ARHGAP42: variants seen among roughly 807,000 people sequenced by gnomAD.
ARHGAP42 encodes the protein rho GTPase-activating protein 42.
In ARHGAP42, 63 loss-of-function variants were observed where a neutral mutation model predicts 125.0. The observed-to-expected ratio is 0.50, with a 90% CI of 0.41 to 0.62. The LOEUF (loss-of-function observed/expected upper bound fraction) is 0.62, where lower values mean the gene tolerates loss of function less well. Ranked by LOEUF, ARHGAP42 falls within the 20% of genes least tolerant of loss-of-function variation. The pLI is 0.00. For synonymous variants in ARHGAP42, 339 were observed against 351.0 expected (o/e 0.97, Z 0.38); for missense variants, 766 against 1,024.2 (o/e 0.75, Z 3.44).
At position 100,688,141 on chromosome 11, in the gene ARHGAP42, T is replaced by A. The variant is rs190804014; in HGVS notation, c.154+309T>A. 2.2e-3 allele frequency among the ~76,000 whole-genome samples: 341 copies of A among 152,130 alleles called. 2 individuals carry two copies. Among genetic ancestry groups the A allele is most frequent in the African/African-American group, 7.5e-3 (309 of 41,468 alleles). ...GTTGGGGACTTTAATTTTTTTTTTT[T>A]AATTTATTGTGTCTATTAATAGTTT... On this transcript the variant is annotated intron_variant, in intron 1 of 23. Coordinates refer to ENST00000298815, the MANE Select transcript of ARHGAP42 (RefSeq NM_152432.4).
chr11:100,846,583 C>T (rs1264346409), intron 3 of ARHGAP42, among the ~76,000 whole-genome samples: 1 of 152,154 alleles, frequency 6.6e-6, no homozygotes, highest in East Asian at 1.9e-4. Context: ...GCCTCAGATA[C>T]TGCTCTCATC....
intron 2 of ARHGAP42, among the ~76,000 whole-genome samples, chr11:100,776,621 G>T (rs183377847): frequency 3.4e-4 from 52 of 152,186 alleles, no homozygotes; most frequent in South Asian, 1.9e-3. Context: ...GTGTATTGCT[G>T]GTCCCTTGTT....
At chr11:100,906,833 A>C (rs1340998752) in intron 4 of ARHGAP42, among the ~76,000 whole-genome samples, 1 of 152,128 alleles carries the variant, frequency 6.6e-6, no homozygotes, top group Non-Finnish European at 1.5e-5. Context: ...ATCCATCAAC[A>C]CTTATTATTT....
At chr11:100,937,421 T>A (rs1431272782) in intron 8 of ARHGAP42, among the ~76,000 whole-genome samples, 1 of 149,186 alleles carries the variant, frequency 6.7e-6, no homozygotes, top group African/African-American at 2.5e-5. Flanking sequence ...GAAATTTTTA[T>A]TTTTTTTTTA....
chr11:100,734,237 G>A (rs989017075), intron 1 of ARHGAP42, among the ~76,000 whole-genome samples: 21 of 150,788 alleles, frequency 1.4e-4, no homozygotes, highest in African/African-American at 4.9e-4. Flanking sequence ...CTGGCCCAAA[G>A]CAAAGCTTTT....
chr11:100,836,623 G>A (rs1395516914), intron 3 of ARHGAP42, among the ~76,000 whole-genome samples: 2 of 151,070 alleles, frequency 1.3e-5, no homozygotes, highest in African/African-American at 4.9e-5. Flanking sequence ...AATTGTTCAT[G>A]TATCCAAGCT....
chr11:100,942,224 A>G (rs2186786), intron 9 of ARHGAP42, among the ~76,000 whole-genome samples: 22,610 of 152,020 alleles, frequency 0.15, 1,900 homozygotes, highest in East Asian at 0.25. Context: ...AGTGGCTGGA[A>G]CAGGCTCAAG....
chr11:100,979,033 C>G lies in ARHGAP42; in HGVS notation c.2440C>G (p.Pro814Ala), dbSNP rs970856649. 25 of 1,551,356 alleles carry G rather than the reference C, an allele frequency of 1.6e-5. No individual in the cohort carries two copies. Among genetic ancestry groups the G allele is most frequent in the Non-Finnish European group, 2.1e-5 (24 of 1,146,812 alleles). The change falls in exon 22 of 24, where the codon CCA (proline) becomes GCA (alanine). Residue 814 changes from proline to alanine, a missense_variant. This residue lies in a region of ARHGAP42 where 308 missense variants were observed against 369.7 expected (regional missense o/e 0.83). Transcript: ENST00000298815. Reference protein sequence around the residue: ...QLFENVGSPKPVSSGRQAKAM... With the variant: ...QLFENVGSPKAVSSGRQAKAM... Reference sequence around the variant, plus strand: ...GTTTGAAAATGTTGGTTCACCTAAACCAGTTTCTTCTGGGCGGTAAGTTCT... The same window carrying G: ...GTTTGAAAATGTTGGTTCACCTAAAGCAGTTTCTTCTGGGCGGTAAGTTCT...
chr11:100,960,101 A>C (rs1489952191), intron 13 of ARHGAP42, among the ~76,000 whole-genome samples, 156 bp downstream of exon 13: 1 of 152,114 alleles, frequency 6.6e-6, no homozygotes, highest in Non-Finnish European at 1.5e-5. Context: ...ACAAATAGCT[A>C]TACCTTGAGC....
At chr11:100,915,633 G>A (rs1256718485) in intron 5 of ARHGAP42, among the ~76,000 whole-genome samples, 2 of 152,128 alleles carry the variant, frequency 1.3e-5, no homozygotes, top group Non-Finnish European at 2.9e-5. Context: ...CTCGCTAGTA[G>A]CTTAGGCTAT....
chr11:100,717,854 A>G (rs974857280), intron 1 of ARHGAP42, among the ~76,000 whole-genome samples: 4 of 143,248 alleles, frequency 2.8e-5, no homozygotes, highest in Admixed American at 7.2e-5. Flanking sequence ...TGAACCCAGG[A>G]GGCGGAGGTT....
chr11:100,856,557 C>T (rs1591241972), intron 3 of ARHGAP42, among the ~76,000 whole-genome samples: 2 of 152,064 alleles, frequency 1.3e-5, no homozygotes, highest in African/African-American at 2.4e-5. Flanking sequence ...TTGTGAACAG[C>T]AGCCACTGAC....
rs546269674 is a variant in ARHGAP42 at position 100,865,074 on chromosome 11, C to T, written c.384+5449C>T. The stretch of plus-strand genomic sequence containing the variant: ...TCTGTGGTATGTATATAGAAATCAA[C>T]AATATATTGCTAGTCATTTTATAAT... On this transcript the variant is annotated intron_variant, in intron 4 of 23. Coordinates refer to ENST00000298815, the MANE Select transcript of ARHGAP42 (RefSeq NM_152432.4). Among the ~76,000 whole-genome samples the T allele has an allele frequency of 1.2e-4, 19 of 152,214 alleles. No individual in the cohort carries two copies. The East Asian group carries it at 2.3e-3, about 19-fold the overall frequency.
chr11:100,752,322 A>T (rs891564915), intron 1 of ARHGAP42, among the ~76,000 whole-genome samples: 2 of 152,192 alleles, frequency 1.3e-5, no homozygotes, highest in Non-Finnish European at 2.9e-5. Context: ...AAGGCCCTTC[A>T]TGAGCACCAG....
At chr11:100,773,832 T>G (rs1459141646) in intron 2 of ARHGAP42, among the ~76,000 whole-genome samples, 2 of 152,200 alleles carry the variant, frequency 1.3e-5, no homozygotes, top group Non-Finnish European at 2.9e-5. Flanking sequence ...TAAATTTTAA[T>G]GCTATGTGGG....
chr11:100,911,030 G>C (rs1461423877), intron 4 of ARHGAP42, among the ~76,000 whole-genome samples: 1 of 152,150 alleles, frequency 6.6e-6, no homozygotes, highest in Non-Finnish European at 1.5e-5. Flanking sequence ...CACCACAGCT[G>C]TGCACTCTCC....
Position 100,702,898 on chromosome 11 carries a change from GTGATC to G in ARHGAP42, c.154+15067_154+15071del, listed in dbSNP as rs773738548. 3.9e-5 allele frequency among the ~76,000 whole-genome samples: 6 copies of G among 152,138 alleles called. No homozygotes were observed. In the East Asian group the frequency reaches 9.7e-4, roughly 25 times the overall value. On this transcript the variant is annotated intron_variant, in intron 1 of 23. Transcript: ENST00000298815. ...GCTGGTCTCGAACTCCTGACCTCAG[GTGATC>G]CGCCCACCTCGGCCTCCCAAAGTGC...
chr11:100,845,353 A>C (rs1865040023), intron 3 of ARHGAP42, among the ~76,000 whole-genome samples: 1 of 152,002 alleles, frequency 6.6e-6, no homozygotes. Flanking sequence ...TCAGAGGGAA[A>C]GGGTGGGAAG....
intron 8 of ARHGAP42, among the ~76,000 whole-genome samples, chr11:100,940,961 T>G (rs187099155): frequency 6.6e-4 from 100 of 152,260 alleles, no homozygotes; most frequent in Middle Eastern, 3.4e-3. Flanking sequence ...CAGACAGTGA[T>G]AACCGCTAAG....
Sources: allele counts gnomAD v4.1 joint callset (sites outside exome capture counted in the v4.1 genomes callset), GRCh38; gene constraint gnomAD v4.1.1; regional missense constraint gnomAD v4.1.1; transcripts MANE v1.5; gene names NCBI Gene and HGNC (gene_info 2026-07-23, HGNC 2026-07-21).